EGFR: variants seen among roughly 807,000 people sequenced by gnomAD.
The protein encoded by EGFR is epidermal growth factor receptor.
Under a neutral mutation model 143.0 loss-of-function variants are expected in EGFR, and 58 were observed. That is an observed-to-expected ratio of 0.41 (90% CI 0.33 to 0.50). EGFR has a LOEUF of 0.50. Among genes scored for constraint, EGFR ranks in the 20% least tolerant of loss-of-function variants. The pLI is 0.39. For missense variants in EGFR, 1,307 were observed against 1,579.0 expected (o/e 0.83, Z 2.92); for synonymous variants, 613 against 594.4 (o/e 1.03, Z -0.45).
intron 1 of EGFR, among the ~76,000 whole-genome samples, chr7:55,127,457 C>T (rs1793595684): frequency 6.6e-6 from 1 of 152,006 alleles, no homozygotes; most frequent in South Asian, 2.1e-4. Context: ...CCTTCCCACC[C>T]CCTCACCCCC....
intron 6 of EGFR, 142 bp downstream of exon 6, chr7:55,152,806 C>G: frequency 1.5e-6 from 1 of 686,364 alleles, no homozygotes; most frequent in African/African-American, 1.8e-5. Flanking sequence ...TGCCTGGTGA[C>G]AAAGTATCTT....
At chr7:55,114,589 A>G (rs1792716873) in intron 1 of EGFR, among the ~76,000 whole-genome samples, 1 of 152,148 alleles carries the variant, frequency 6.6e-6, no homozygotes, top group South Asian at 2.1e-4. Context: ...TAAGTTTCTT[A>G]ATATTGGACT....
chr7:55,155,942 C>G lies in EGFR; in HGVS notation c.1002C>G (p.Arg334=), dbSNP rs2128937606. The stretch of plus-strand genomic sequence containing the variant: ...GTAAGAAGTGCGAAGGGCCTTGCCG[C>G]AAAGGTAGGAAGCCCGCCGGTGTGC... The part of the protein sequence containing the change: ...RKCKKCEGPC[R]KVCNGIGIGE... The change falls in exon 8 of 28, where the codon CGC becomes CGG. Residue 334 remains arginine (R), a synonymous_variant. Transcript: ENST00000275493. 4.3e-6 allele frequency: 7 copies of G among 1,611,996 alleles called. No individual in the cohort carries two copies. The East Asian group carries it at 1.6e-4, about 36-fold the overall frequency.
intron 1 of EGFR, among the ~76,000 whole-genome samples, chr7:55,089,504 T>C (rs1790974128): frequency 6.6e-6 from 1 of 152,224 alleles, no homozygotes; most frequent in African/African-American, 2.4e-5. Context: ...TCTGAACTAT[T>C]TTAAGGCCAG....
chr7:55,141,047 G>T (rs1022986286), intron 1 of EGFR, among the ~76,000 whole-genome samples: 1 of 152,196 alleles, frequency 6.6e-6, no homozygotes, highest in African/African-American at 2.4e-5. Context: ...AAGCATTGAA[G>T]AAAGTGCCAG....
At chr7:55,087,037 G>A (rs1316169029) in intron 1 of EGFR, among the ~76,000 whole-genome samples, 1 of 151,934 alleles carries the variant, frequency 6.6e-6, no homozygotes, top group Non-Finnish European at 1.5e-5. Context: ...ATTATCTACT[G>A]GTCAGAGTTT....
intron 1 of EGFR, among the ~76,000 whole-genome samples, chr7:55,055,048 A>G (rs914379848): frequency 1.3e-5 from 2 of 152,094 alleles, no homozygotes; most frequent in Non-Finnish European, 2.9e-5. Context: ...GGACTGCCTC[A>G]TTTCCCCGAT....
chr7:55,034,878 A>C (rs1247958503), intron 1 of EGFR, among the ~76,000 whole-genome samples: 1 of 152,258 alleles, frequency 6.6e-6, no homozygotes, highest in Non-Finnish European at 1.5e-5. Flanking sequence ...TCTTATGGAC[A>C]TCACTAGTGG....
chr7:55,192,990 T>C (rs1787468143), intron 22 of EGFR, 149 bp downstream of exon 22: 1 of 795,994 alleles, frequency 1.3e-6, no homozygotes, highest in Non-Finnish European at 2.1e-6. Context: ...CTATCTATTG[T>C]ACTGAGAAAA....
At chr7:55,068,900 G>A (rs1011211064) in intron 1 of EGFR, among the ~76,000 whole-genome samples, 1 of 152,164 alleles carries the variant, frequency 6.6e-6, no homozygotes, top group Non-Finnish European at 1.5e-5. Flanking sequence ...TGAGTGGTGG[G>A]CAGAGCAGTT....
chr7:55,114,116 A>T (rs2128909402), intron 1 of EGFR, among the ~76,000 whole-genome samples: 1 of 152,372 alleles, frequency 6.6e-6, no homozygotes, highest in East Asian at 1.9e-4. Context: ...AAAAATATAG[A>T]AAAGCATGTT....
intron 1 of EGFR, among the ~76,000 whole-genome samples, chr7:55,078,484 G>A (rs1301284619): frequency 6.6e-6 from 1 of 152,208 alleles, no homozygotes; most frequent in East Asian, 1.9e-4. Context: ...CGGTGCATAG[G>A]GTTTATGTGC....
At chr7:55,161,799 G>A (rs867364449) in intron 13 of EGFR, among the ~76,000 whole-genome samples, 168 bp downstream of exon 13, 12 of 152,158 alleles carry the variant, frequency 7.9e-5, no homozygotes, top group South Asian at 2.1e-4. Context: ...GTTTGATTGC[G>A]TTATTTTTGG....
rs575008830 is a variant in EGFR, at chr7:55,141,414, T to C, written c.89-872T>C. On this transcript the variant is annotated intron_variant, in intron 1 of 27. Coordinates refer to ENST00000275493, the MANE Select transcript of EGFR (RefSeq NM_005228.5). ...TTAAAATTTTTTCTTGGATTAAGTT[T>C]GATGCCTTGAAACATTAGGAACTCA... Among the ~76,000 whole-genome samples, 8 of 152,314 alleles carry C rather than the reference T, an allele frequency of 5.3e-5. No homozygotes were observed. In the East Asian group the frequency reaches 7.7e-4, roughly 15 times the overall value.
chr7:55,036,280 G>GC (rs1431240362), intron 1 of EGFR, among the ~76,000 whole-genome samples: 2 of 86,324 alleles, frequency 2.3e-5, no homozygotes, highest in African/African-American at 8.2e-5. Context: ...GTGGGGGGGG[G>GC]GGGGTGGGTG....
intron 15 of EGFR, chr7:55,170,547 C>G: frequency 6.2e-7 from 1 of 1,613,074 alleles, no homozygotes; most frequent in South Asian, 1.1e-5. Flanking sequence ...GCCACTGAGC[C>G]TCATGCCTTC....
chr7:55,162,138 T>C (rs932971290), intron 13 of EGFR, among the ~76,000 whole-genome samples: 4 of 152,256 alleles, frequency 2.6e-5, no homozygotes, highest in African/African-American at 7.2e-5. Context: ...TAATTCATAA[T>C]GATGTTTGTT....
At chr7:55,157,393 GC>G (rs1000868172) in intron 10 of EGFR, among the ~76,000 whole-genome samples, 16 of 152,328 alleles carry the variant, frequency 1.1e-4, no homozygotes, top group Non-Finnish European at 2.1e-4. Flanking sequence ...GATACGCGGC[GC>G]AGCAGGGGTC....
At chr7:55,153,905 G>A (rs1785278021) in intron 6 of EGFR, 106 bp from the exon 7 acceptor site, 13 of 1,545,440 alleles carry the variant, frequency 8.4e-6, no homozygotes, top group South Asian at 1.1e-5. Context: ...TGCAAAGACA[G>A]TAACTTGGGC....
Sources: allele counts gnomAD v4.1 joint callset (sites outside exome capture counted in the v4.1 genomes callset), GRCh38; gene constraint gnomAD v4.1.1; transcripts MANE v1.5; gene names NCBI Gene and HGNC (gene_info 2026-07-23, HGNC 2026-07-21).